The following TMEM164 variants were observed in gnomAD, a reference collection of about 807,000 sequenced individuals.
The protein encoded by TMEM164 is transmembrane protein 164.
In TMEM164, 4 loss-of-function variants were observed where a neutral mutation model predicts 18.8. The ratio of observed to expected loss-of-function variants is 0.21; its 90% confidence interval spans 0.10 to 0.49. TMEM164 has a LOEUF of 0.49. TMEM164 is among the 20% of genes least tolerant of loss of function. The pLI, the probability that TMEM164 is intolerant of heterozygous loss-of-function variation, is 0.98. For missense variants in TMEM164, 108 were observed against 239.9 expected (o/e 0.45, Z 3.63); for synonymous variants, 86 against 101.7 (o/e 0.85, Z 0.93).
downstream of TMEM164, among the ~76,000 whole-genome samples, chrX:110,178,276 C>T (rs1303466029): frequency 1.8e-5 from 2 of 112,297 alleles, no homozygotes; most frequent in East Asian, 5.6e-4. Flanking sequence ...TGTGATTGGC[C>T]CTTTTTACAC....
At chrX:110,158,998 A>T (rs950409325) in intron 5 of TMEM164, among the ~76,000 whole-genome samples, 5 of 112,449 alleles carry the variant, frequency 4.4e-5, no homozygotes, top group African/African-American at 1.6e-4. Context: ...TAAAGTGCTT[A>T]TAACAGTCCC....
chrX:110,063,680 TCA>T (rs1488571997), intron 2 of TMEM164, among the ~76,000 whole-genome samples: 2 of 111,738 alleles, frequency 1.8e-5, no homozygotes, highest in Non-Finnish European at 3.8e-5. Context: ...AAAAAAGACC[TCA>T]GTTTTATAAG....
intron 5 of TMEM164, among the ~76,000 whole-genome samples, chrX:110,151,031 A>G (rs746193951): frequency 3.6e-5 from 4 of 112,409 alleles, no homozygotes; most frequent in Admixed American, 2.8e-4. Context: ...AGCAAGTGAC[A>G]GTCCCCGGAT....
chrX:110,060,708 A>G (rs762815552), intron 2 of TMEM164, among the ~76,000 whole-genome samples: 2 of 111,556 alleles, frequency 1.8e-5, no homozygotes, highest in Non-Finnish European at 3.8e-5. Flanking sequence ...AGTCTTCTCT[A>G]ATCTGTGGTA....
intron 4 of TMEM164, among the ~76,000 whole-genome samples, chrX:110,123,952 A>T (rs1051473496): frequency 1.8e-5 from 2 of 110,950 alleles, no homozygotes; most frequent in Non-Finnish European, 3.8e-5. Context: ...CTCTACCAAA[A>T]TTTTTTTTAA....
intron 4 of TMEM164, among the ~76,000 whole-genome samples, chrX:110,116,915 G>A (rs765988944): frequency 4.7e-4 from 51 of 107,526 alleles, no homozygotes; most frequent in Non-Finnish European, 8.3e-4. Flanking sequence ...GGGGGCAGGG[G>A]TGGGAGACAG....
At chrX:110,037,378 G>A (rs1483183699) in intron 2 of TMEM164, among the ~76,000 whole-genome samples, 1 of 112,068 alleles carries the variant, frequency 8.9e-6, no homozygotes, top group Non-Finnish European at 1.9e-5. Context: ...TGCTGGGAAA[G>A]GATGTGAGTT....
intron 5 of TMEM164, among the ~76,000 whole-genome samples, chrX:110,161,851 G>A (rs1417981848): frequency 8.9e-6 from 1 of 112,599 alleles, no homozygotes; most frequent in African/African-American, 3.2e-5. Flanking sequence ...ATGGGGCAGG[G>A]CCCAGGAAGC....
At chrX:110,127,559 C>G (rs1243557913) in intron 4 of TMEM164, among the ~76,000 whole-genome samples, 2 of 112,268 alleles carry the variant, frequency 1.8e-5, no homozygotes, top group Non-Finnish European at 3.8e-5. Flanking sequence ...AACTCAACTC[C>G]TGCTTCCAAA....
At chrX:110,142,259 A>G (rs2066780455) in intron 4 of TMEM164, among the ~76,000 whole-genome samples, 1 of 112,073 alleles carries the variant, frequency 8.9e-6, no homozygotes, top group African/African-American at 3.2e-5. Flanking sequence ...CACCATGTGG[A>G]GGGACGAGTG....
intron 6 of TMEM164, 148 bp from the exon 7 acceptor site, chrX:110,173,097 G>A: frequency 3.6e-6 from 2 of 548,219 alleles, no homozygotes; most frequent in Non-Finnish European, 5.8e-6. Flanking sequence ...GAAAACCGAG[G>A]GGAGAGAAGA....
chrX:110,052,612 C>T lies in TMEM164; in HGVS notation c.391-14735C>T, dbSNP rs1935609365. 3.6e-5 allele frequency among the ~76,000 whole-genome samples: 4 copies of T among 111,854 alleles called. No individual in the cohort carries two copies. In the South Asian group the frequency reaches 1.5e-3, roughly 42 times the overall value. On this transcript the variant is annotated intron_variant, in intron 2 of 6. Coordinates refer to ENST00000372068, the MANE Select transcript of TMEM164 (RefSeq NM_032227.4). ...TAAGTTCTGGACCTACAGTGAGGAC[C>T]ATCACACAGCTCCTGCTCTCCAGAA... is the stretch of plus-strand genomic sequence containing the variant.
intron 3 of TMEM164, among the ~76,000 whole-genome samples, chrX:110,094,796 T>A (rs1428756640): frequency 1.8e-5 from 2 of 112,303 alleles, no homozygotes; most frequent in Non-Finnish European, 3.8e-5. Flanking sequence ...CAATTTGGTA[T>A]GTTTTTGCAG....
At chrX:110,182,570 G>C (rs2067327746), downstream of TMEM164, 1 of 112,084 alleles carries the variant, frequency 8.9e-6, no homozygotes, top group Non-Finnish European at 1.9e-5. Context: ...CCTAGGGCTA[G>C]TCATTGCCAG....
intron 4 of TMEM164, among the ~76,000 whole-genome samples, chrX:110,109,971 A>G (rs563736446): frequency 6.2e-5 from 7 of 112,784 alleles, no homozygotes; most frequent in African/African-American, 2.3e-4. Context: ...CTTAAACATT[A>G]AGATCATAGT....
At chrX:110,005,585 C>A (rs1932650315) in intron 2 of TMEM164, among the ~76,000 whole-genome samples, 1 of 112,046 alleles carries the variant, frequency 8.9e-6, no homozygotes, top group African/African-American at 3.2e-5. Context: ...AATAAAGTGG[C>A]TGTTTTTGAT....
chrX:110,152,060 T>G (rs1380415094), intron 5 of TMEM164, among the ~76,000 whole-genome samples: 1 of 99,687 alleles, frequency 1.0e-5, no homozygotes, highest in Non-Finnish European at 2.0e-5. Flanking sequence ...TCTTTTCTTT[T>G]TTTTTTTTTT....
chrX:110,149,713 G>A (rs1452081461), intron 5 of TMEM164, among the ~76,000 whole-genome samples: 2 of 111,774 alleles, frequency 1.8e-5, no homozygotes, highest in African/African-American at 6.5e-5. Flanking sequence ...TCAGACTTAC[G>A]AGAGTCACAT....
Position 110,028,238 on chromosome X carries a change from T to C in TMEM164, c.390+24074T>C, listed in dbSNP as rs144134631. On this transcript the variant is annotated intron_variant, in intron 2 of 6. Coordinates refer to ENST00000372068, the MANE Select transcript of TMEM164 (RefSeq NM_032227.4). ...TTCTTCCTTTTCTCTCATACTATTA[T>C]TTGCTACTAAAAAATCAATCTCACT... is the stretch of plus-strand genomic sequence containing the variant. Among the ~76,000 whole-genome samples the C allele has an allele frequency of 5.9e-4, 66 of 112,561 alleles. 1 individual carries two copies. The East Asian group carries it at 0.016, about 27-fold the overall frequency.
Sources: gnomAD v4.1 joint callset for allele counts (sites outside exome capture counted in the v4.1 genomes callset) on GRCh38, gnomAD v4.1.1 for gene constraint, MANE v1.5 for transcripts, NCBI Gene and HGNC (gene_info 2026-07-23, HGNC 2026-07-21) for gene names.